SLC26A4: variants seen among roughly 807,000 people sequenced by gnomAD.
SLC26A4 encodes the protein solute carrier family 26 member 4, also known as pendrin.
A neutral mutation model predicts 90.4 loss-of-function variants in SLC26A4; 93 were observed. The ratio of observed to expected loss-of-function variants is 1.03; its 90% CI spans 0.87 to 1.22. The LOEUF is 1.22. Among genes scored for constraint, SLC26A4 ranks in the 50% most tolerant of loss-of-function variants. The pLI is 0.00. For synonymous variants in SLC26A4, 393 were observed against 354.6 expected, an observed-to-expected ratio of 1.11 and a Z score of -1.22; for missense variants, 1,127 against 946.2, an observed-to-expected ratio of 1.19 and a Z score of -2.51.
chr7:107,715,199 C>A (rs1307456204), intron 20 of SLC26A4, among the ~76,000 whole-genome samples: 25 of 150,240 alleles, frequency 1.7e-4, no homozygotes, highest in Non-Finnish European at 3.1e-4. Context: ...CACGCCACAG[C>A]ACTCCAGCCT....
At chr7:107,674,114 A>G in intron 4 of SLC26A4, 50 bp from the exon 5 acceptor site, 1 of 1,531,358 alleles carries the variant, frequency 6.5e-7, no homozygotes, top group Non-Finnish European at 9.1e-7. Context: ...AGACACATTG[A>G]ACATTTGTGA....
At chr7:107,674,909 A>T in intron 5 of SLC26A4, 36 bp from the exon 6 acceptor site, 2 of 1,605,032 alleles carry the variant, frequency 1.2e-6, no homozygotes, top group Non-Finnish European at 1.7e-6. Context: ...TATCTCAGGC[A>T]AACATTTAAT....
intron 3 of SLC26A4, among the ~76,000 whole-genome samples, chr7:107,669,046 C>G (rs1448368976): frequency 6.6e-6 from 1 of 152,084 alleles, no homozygotes; most frequent in Non-Finnish European, 1.5e-5. Context: ...CAACCACTGC[C>G]TCCTGGGTTC....
At chr7:107,688,281 G>C (rs569382229) in intron 8 of SLC26A4, among the ~76,000 whole-genome samples, 2 of 152,110 alleles carry the variant, frequency 1.3e-5, no homozygotes, top group Non-Finnish European at 2.9e-5. Context: ...AGAAACTTTA[G>C]GCATAAGTGA....
At position 107,717,253 on chromosome 7, in the gene SLC26A4, C is replaced by G. The variant is rs1163233151; in HGVS notation, c.*1807C>G. ...GGCTGGCGGGCGCCTGTAGTCCCAG[C>G]TATTTGGGAGGCTAAGGCAGGAGAA... On this transcript the variant is annotated 3_prime_UTR_variant, in exon 21 of 21. Coordinates refer to ENST00000644269, the MANE Select transcript of SLC26A4 (RefSeq NM_000441.2). 1.3e-5 allele frequency: 2 copies of G among 150,848 alleles called. No individual in the cohort carries two copies. Among genetic ancestry groups the G allele is most frequent in the East Asian group, 3.9e-4 (2 of 5,104 alleles). The allele number at this position is 150,848 out of a possible 1,614,324, so 9.3% of individuals were successfully genotyped here.
At chr7:107,673,815 A>G (rs1790938885) in intron 4 of SLC26A4, among the ~76,000 whole-genome samples, 1 of 151,694 alleles carries the variant, frequency 6.6e-6, no homozygotes, top group South Asian at 2.1e-4. Context: ...TGCAGCCTCC[A>G]CCTCCCCAGC....
chr7:107,711,152 GAA>G (rs113888005), intron 19 of SLC26A4, among the ~76,000 whole-genome samples: 1,913 of 124,558 alleles, frequency 0.015, 38 homozygotes, highest in African/African-American at 0.051. Flanking sequence ...TATAAAAAAG[GAA>G]AAAAAAAAAA....
At chr7:107,693,499 C>G (rs1791637357) in intron 10 of SLC26A4, 1 of 985,366 alleles carries the variant, frequency 1.0e-6, no homozygotes, top group Admixed American at 6.2e-5. Context: ...CAGTTGTTTC[C>G]TCTCTGATTG....
rs374493929 is a variant in SLC26A4 at position 107,701,232 on chromosome 7, T to C, written c.1803+36T>C. 5 of 1,332,854 alleles carry C rather than the reference T, an allele frequency of 3.8e-6. No individual in the cohort carries two copies. The African/African-American group carries it at 7.2e-5, about 19-fold the overall frequency. The allele number at this position is 1,332,854 out of a possible 1,614,324, so 82.6% of individuals were successfully genotyped here. On this transcript the variant is annotated intron_variant, in intron 16 of 20. Transcript: ENST00000644269. ...ATCTTTCTTTTCCCCCTTAAATTAT[T>C]TCCTTTCCCTGATGAGAGCAGTTAG...
chr7:107,682,685 C>A (rs1461662343), intron 6 of SLC26A4, among the ~76,000 whole-genome samples: 2 of 151,906 alleles, frequency 1.3e-5, no homozygotes, highest in Non-Finnish European at 2.9e-5. Context: ...CACATACACA[C>A]ATATACACAC....
chr7:107,701,196 G>T lies in SLC26A4; in HGVS notation c.1803G>T (p.Lys601Asn). ...LIKSGQLRAT[K>N]NGIISDAVST... ...AAAGTGGACAATTAAGAGCAACAAA[G>T]GTGAGATGACATCTTTCTTTTCCCC... Residue 601 changes from lysine (K) to asparagine (N), a missense_variant and splice_region_variant, in exon 16 of 21, where the codon AAG becomes AAT. By Grantham distance (94) the Lys-to-Asn change is moderately conservative (BLOSUM62 0). Coordinates refer to ENST00000644269, the MANE Select transcript of SLC26A4 (RefSeq NM_000441.2). The T allele has an allele frequency of 1.3e-6, 2 of 1,571,922 alleles. No homozygotes were observed. Among genetic ancestry groups the T allele is most frequent in the South Asian group, 1.1e-5 (1 of 90,174 alleles).
At position 107,674,438 on chromosome 7, in the gene SLC26A4, C is replaced by G. The variant is rs1038176046; in HGVS notation, c.600+90C>G. The G allele has an allele frequency of 1.2e-5, 13 of 1,092,274 alleles. No individual in the cohort carries two copies. In the African/African-American group the frequency reaches 1.9e-4, roughly 16 times the overall value. The allele number at this position is 1,092,274 out of a possible 1,614,324, so 67.7% of individuals were successfully genotyped here. ...ATAGACTTAAAGATTCTACTAAAAACAAAACAAAGTAATTTCCTGGAACCC... is the reference window on the plus strand; with the variant it reads ...ATAGACTTAAAGATTCTACTAAAAAGAAAACAAAGTAATTTCCTGGAACCC... On this transcript the variant is annotated intron_variant, in intron 5 of 20. Transcript: ENST00000644269.
Position 107,661,413 on chromosome 7 carries a change from G to T in SLC26A4, c.-3-226G>T. On this transcript the variant is annotated intron_variant, in intron 1 of 20. Coordinates refer to ENST00000644269, the MANE Select transcript of SLC26A4 (RefSeq NM_000441.2). The surrounding 1 kb of genome is among the most constrained non-coding windows in gnomAD (Gnocchi z 5.1). ...GGGGAACCCCGGGCAGCGGGTGCAG[G>T]CCACGAGACCCGAAGGTTCTCAGGT... 3 of 600,578 alleles carry T rather than the reference G, an allele frequency of 5.0e-6. No homozygotes were observed. Among genetic ancestry groups the T allele is most frequent in the Non-Finnish European group, 5.9e-6 (2 of 337,382 alleles). 37.2% of individuals were successfully genotyped at this position (600,578 alleles called of 1,614,324 possible). A position where few individuals can be genotyped will look rare whatever the true frequency, so the allele number is the denominator to read the frequency against.
chr7:107,690,182 C>A lies in SLC26A4; in HGVS notation c.1208C>A (p.Ala403Asp). The change falls in exon 10 of 21, where the codon GCC (alanine) becomes GAC (aspartate). Residue 403 changes from alanine (A) to aspartate (D), a missense_variant. Physicochemically the swap from Ala to Asp is moderately radical, Grantham distance 126. Coordinates refer to ENST00000644269, the MANE Select transcript of SLC26A4 (RefSeq NM_000441.2). ...IFSGFFSCFV[A>D]TTALSRTAVQ... The stretch of plus-strand genomic sequence containing the variant: ...TCAGGATTCTTCTCTTGTTTTGTGG[C>A]CACCACTGCTCTTTCCCGCACGGCC... 3 of 1,613,386 alleles carry A rather than the reference C, an allele frequency of 1.9e-6. No individual in the cohort carries two copies. Among genetic ancestry groups the A allele is most frequent in the Non-Finnish European group, 2.5e-6 (3 of 1,179,418 alleles).
rs1792215719 is a variant in SLC26A4 at position 107,712,408 on chromosome 7, A to C, written c.2236-131A>C. ...TTTTAGTTGGGAAATATAAAAGAAC[A>C]ATACAGCTGAAGAGGATTCTGAAGT... On this transcript the variant is annotated intron_variant, in intron 19 of 20. Transcript: ENST00000644269. 5 of 658,238 alleles carry C rather than the reference A, an allele frequency of 7.6e-6. No homozygotes were observed. In the South Asian group the frequency reaches 8.5e-5, roughly 11 times the overall value. The allele number at this position is 658,238 out of a possible 1,614,324, so 40.8% of individuals were successfully genotyped here.
intron 3 of SLC26A4, among the ~76,000 whole-genome samples, chr7:107,663,735 G>A (rs1387308103): frequency 1.3e-5 from 2 of 152,132 alleles, no homozygotes; most frequent in African/African-American, 2.4e-5. Context: ...CTAGGCTGGA[G>A]TGCAGTGGCG....
At position 107,704,400 on chromosome 7, in the gene SLC26A4, C is replaced by G. The variant is rs1253818235; in HGVS notation, c.2089+15C>G. 1 of 1,091,928 alleles carries G rather than the reference C, an allele frequency of 9.2e-7. No homozygotes were observed. Among genetic ancestry groups the G allele is most frequent in the East Asian group, 2.4e-5 (1 of 42,328 alleles). The allele number at this position is 1,091,928 out of a possible 1,614,324, so 67.6% of individuals were successfully genotyped here. A position where few individuals can be genotyped will look rare whatever the true frequency, so the allele number is the denominator to read the frequency against. On this transcript the variant is annotated intron_variant, in intron 18 of 20. Coordinates refer to ENST00000644269, the MANE Select transcript of SLC26A4 (RefSeq NM_000441.2). ...ATCACTTCAAGGTAAATACATATAT[C>G]TACATATCTACCTGTAAGACTTTCC... is the stretch of plus-strand genomic sequence containing the variant.
At chr7:107,712,662 T>C in intron 20 of SLC26A4, 40 bp downstream of exon 20, 1 of 1,025,046 alleles carries the variant, frequency 9.8e-7, no homozygotes, top group Non-Finnish European at 1.6e-6. Flanking sequence ...TTGAATTACA[T>C]TTTGAATAAT....
rs1198035189 is a variant in SLC26A4 at position 107,679,869 on chromosome 7, CTTATA to C, written c.766-3326_766-3322del. On this transcript the variant is annotated intron_variant, in intron 6 of 20. Coordinates refer to ENST00000644269, the MANE Select transcript of SLC26A4 (RefSeq NM_000441.2). ...ATCTTATATTATTATATTATATAAT[CTTATA>C]TTATATAATCTTATCTTATATAATC... 7.0e-5 allele frequency among the ~76,000 whole-genome samples: 9 copies of C among 129,440 alleles called. No individual in the cohort carries two copies. In the South Asian group the frequency reaches 1.6e-3, roughly 23 times the overall value. The allele number at this position is 129,440 out of a possible 152,430, so 84.9% of individuals were successfully genotyped here. A position where few individuals can be genotyped will look rare whatever the true frequency, so the allele number is the denominator to read the frequency against.
Sources: allele counts gnomAD v4.1 joint callset (sites outside exome capture counted in the v4.1 genomes callset), GRCh38; gene constraint gnomAD v4.1.1; non-coding constraint Gnocchi (gnomAD v3.1); transcripts MANE v1.5; gene names NCBI Gene and HGNC (gene_info 2026-07-23, HGNC 2026-07-21).